DOK5: variants seen among roughly 807,000 people sequenced by gnomAD.
DOK5 encodes downstream of tyrosine kinase 5.
A neutral mutation model predicts 43.3 loss-of-function variants in DOK5; 27 were observed. That is an observed-to-expected ratio of 0.62 (90% CI 0.46 to 0.86). The LOEUF (loss-of-function observed/expected upper bound fraction) is 0.86, where lower values mean the gene tolerates loss of function less well. Ranked by LOEUF, DOK5 falls within the 40% of genes least tolerant of loss-of-function variation. The pLI is 0.00. For missense variants in DOK5, 373 were observed against 392.9 expected (o/e 0.95, Z 0.43); for synonymous variants, 146 against 140.1 (o/e 1.04, Z -0.30).
intron 6 of DOK5, among the ~76,000 whole-genome samples, chr20:54,638,951 G>A (rs1434491842): frequency 2.6e-5 from 4 of 152,062 alleles, no homozygotes; most frequent in Admixed American, 1.3e-4. Flanking sequence ...AAAGTGCTAG[G>A]ATTACAGGCA....
intron 1 of DOK5, among the ~76,000 whole-genome samples, chr20:54,500,797 G>T (rs892692750): frequency 1.3e-4 from 20 of 152,004 alleles, no homozygotes; most frequent in African/African-American, 4.8e-4. Flanking sequence ...CCAACCTCAG[G>T]TGATTCGCCT....
chr20:54,563,100 G>A (rs560204748), intron 2 of DOK5, among the ~76,000 whole-genome samples: 6 of 152,294 alleles, frequency 3.9e-5, no homozygotes, highest in South Asian at 2.1e-4. Context: ...AAGGACTGCG[G>A]CAGCCACCAG....
chr20:54,481,060 C>G (rs1234007029), intron 1 of DOK5, among the ~76,000 whole-genome samples: 5 of 119,318 alleles, frequency 4.2e-5, no homozygotes, highest in African/African-American at 1.9e-4. Flanking sequence ...TGTCTATCAT[C>G]TATCTATCAT....
In DOK5 at chr20:54,588,718, C is replaced by G. The variant is rs1985888229; in HGVS notation, c.321C>G (p.Leu107=). The change falls in exon 4 of 8, where the codon CTC becomes CTG. Residue 107 remains leucine, a synonymous_variant. Transcript: ENST00000262593. ...DLEADEWCKV[L]QMECVGTRIN... ...AGGCTGATGAGTGGTGCAAAGTACT[C>G]CAGATGGAGTGTGTAGGAACACGGA... The G allele has an allele frequency of 1.9e-6, 3 of 1,614,036 alleles. No individual in the cohort carries two copies. Among genetic ancestry groups the G allele is most frequent in the Non-Finnish European group, 2.5e-6 (3 of 1,179,970 alleles).
intron 1 of DOK5, among the ~76,000 whole-genome samples, chr20:54,515,031 G>T (rs1983149076): frequency 6.6e-6 from 1 of 150,488 alleles, no homozygotes; most frequent in African/African-American, 2.4e-5. Context: ...TTTTTTTAAG[G>T]TGAAATTTCA....
intron 1 of DOK5, among the ~76,000 whole-genome samples, chr20:54,480,933 T>A (rs1981648507): frequency 1.6e-5 from 2 of 123,836 alleles, no homozygotes; most frequent in African/African-American, 7.0e-5. Flanking sequence ...ATCAATCATC[T>A]ATCATCTATC....
chr20:54,640,339 A>G (rs1569982), intron 6 of DOK5, among the ~76,000 whole-genome samples: 119,091 of 152,170 alleles, frequency 0.78, 46,855 homozygotes, highest in East Asian at 1. Flanking sequence ...TATTTCCACC[A>G]GGGCGGTACA....
intron 7 of DOK5, among the ~76,000 whole-genome samples, chr20:54,649,107 T>C (rs1269670757): frequency 1.3e-5 from 2 of 152,240 alleles, no homozygotes; most frequent in Non-Finnish European, 2.9e-5. Flanking sequence ...GTCTTCCATG[T>C]AGCCTTATGG....
intron 6 of DOK5, among the ~76,000 whole-genome samples, chr20:54,617,263 A>G (rs1355932895): frequency 6.6e-6 from 1 of 152,166 alleles, no homozygotes; most frequent in African/African-American, 2.4e-5. Context: ...AGAGGGCACA[A>G]TCCTATGTAT....
chr20:54,567,592 A>G (rs1985140424), intron 2 of DOK5, among the ~76,000 whole-genome samples: 1 of 152,126 alleles, frequency 6.6e-6, no homozygotes, highest in Admixed American at 6.6e-5. Context: ...GTAGCTATAT[A>G]GTAATCTTTA....
intron 1 of DOK5, among the ~76,000 whole-genome samples, chr20:54,551,504 C>T (rs557110520): frequency 7.2e-5 from 11 of 152,068 alleles, no homozygotes; most frequent in Admixed American, 3.3e-4. Flanking sequence ...TTCTTTTTAT[C>T]GTTTTATTTG....
At chr20:54,582,673 C>A (rs1985679162) in intron 2 of DOK5, among the ~76,000 whole-genome samples, 1 of 151,630 alleles carries the variant, frequency 6.6e-6, no homozygotes, top group Non-Finnish European at 1.5e-5. Flanking sequence ...TTGACTTTTT[C>A]TTGGTGTATC....
intron 5 of DOK5, among the ~76,000 whole-genome samples, chr20:54,593,807 A>G (rs888120868): frequency 2.0e-5 from 3 of 152,260 alleles, no homozygotes; most frequent in African/African-American, 7.2e-5. Context: ...ATGGAACACT[A>G]TGCAGCCATA....
In DOK5 at chr20:54,595,169, A is replaced by G. The variant is rs112706303; in HGVS notation, c.599+3364A>G. 2.0e-3 allele frequency among the ~76,000 whole-genome samples: 304 copies of G among 152,198 alleles called. 4 individuals carry two copies. In the South Asian group the frequency reaches 0.027, roughly 14 times the overall value. On this transcript the variant is annotated intron_variant, in intron 5 of 7. Coordinates refer to ENST00000262593, the MANE Select transcript of DOK5 (RefSeq NM_018431.5). ...ATCCTGGCTAACACGGTGAAACCCCATCTCTACTAAAAATACAAAAAATTA... is the reference window on the plus strand; with the variant it reads ...ATCCTGGCTAACACGGTGAAACCCCGTCTCTACTAAAAATACAAAAAATTA...
chr20:54,642,462 G>C (rs1979164246), intron 6 of DOK5, among the ~76,000 whole-genome samples: 2 of 151,460 alleles, frequency 1.3e-5, no homozygotes, highest in African/African-American at 4.9e-5. Flanking sequence ...CTAACATTCT[G>C]GGAGGCCGAG....
At chr20:54,537,607 G>A (rs565987565) in intron 1 of DOK5, among the ~76,000 whole-genome samples, 1 of 152,112 alleles carries the variant, frequency 6.6e-6, no homozygotes, top group Non-Finnish European at 1.5e-5. Flanking sequence ...AAAATAGACC[G>A]ATAGTAATCA....
intron 2 of DOK5, among the ~76,000 whole-genome samples, chr20:54,566,669 T>C (rs1985109629): frequency 6.6e-6 from 1 of 152,210 alleles, no homozygotes; most frequent in South Asian, 2.1e-4. Context: ...CAGGCTGGAG[T>C]GCAGTGGTAT....
chr20:54,610,058 T>C (rs940462012), intron 5 of DOK5, among the ~76,000 whole-genome samples: 1 of 152,202 alleles, frequency 6.6e-6, no homozygotes, highest in Admixed American at 6.5e-5. Context: ...GTATTTCTCT[T>C]TGAGAGTGGC....
chr20:54,609,831 T>C (rs916618722), intron 5 of DOK5, among the ~76,000 whole-genome samples: 9 of 152,298 alleles, frequency 5.9e-5, no homozygotes, highest in South Asian at 2.1e-4. Flanking sequence ...GTCATGCTCA[T>C]TGAAAAAAAA....
Sources: allele counts gnomAD v4.1 joint callset (sites outside exome capture counted in the v4.1 genomes callset), GRCh38; gene constraint gnomAD v4.1.1; transcripts MANE v1.5; gene names NCBI Gene and HGNC (gene_info 2026-07-23, HGNC 2026-07-21).